MAP2K5: variants seen among roughly 807,000 people sequenced by gnomAD.
The protein encoded by MAP2K5 is dual specificity mitogen-activated protein kinase kinase 5.
Under a neutral mutation model 83.1 loss-of-function variants are expected in MAP2K5, and 49 were observed. The observed-to-expected ratio is 0.59, with a 90% CI of 0.47 to 0.75. The LOEUF (loss-of-function observed/expected upper bound fraction) is 0.75. MAP2K5 is among the 30% of genes least tolerant of loss of function. MAP2K5 has a pLI of 0.00. For missense variants in MAP2K5, 457 were observed against 557.5 expected (o/e 0.82, Z 1.82); for synonymous variants, 202 against 191.8 (o/e 1.05, Z -0.44).
In MAP2K5 at chr15:67,750,162, G is replaced by A. The variant is rs1353620406; in HGVS notation, c.1134+1561G>A. 6.6e-6 allele frequency among the ~76,000 whole-genome samples: 1 copy of A among 152,296 alleles called. No individual in the cohort carries two copies. The highest frequency in any genetic ancestry group is 1.5e-5 in the Non-Finnish European group (1 of 68,018). ...TACCATGGGGAGATGTTCTATTTAA[G>A]GGATGAAGATTGATGAAGAACAATA... On this transcript the variant is annotated intron_variant, in intron 19 of 21. Transcript: ENST00000178640. This position sits in a 1 kb window ranked among gnomAD's most constrained non-coding sequence, Gnocchi z 4.2.
intron 12 of MAP2K5, 169 bp downstream of exon 12, chr15:67,658,783 A>C (rs1596738691): frequency 1.5e-6 from 1 of 651,262 alleles, no homozygotes; most frequent in Non-Finnish European, 2.8e-6. Flanking sequence ...CAGCCCACCC[A>C]ACATCACAAC....
rs1215565046 is a variant in MAP2K5, at chr15:67,690,694, C to T, written c.848-1785C>T. 3.3e-5 allele frequency among the ~76,000 whole-genome samples: 5 copies of T among 151,954 alleles called. No homozygotes were observed. The highest frequency in any genetic ancestry group is 7.4e-5 in the Non-Finnish European group (5 of 67,998). ...GATTACAGGTGTCCGCCACCACGCC[C>T]GGCTAATTTTTGTATTTTTAGTAGA... On this transcript the variant is annotated intron_variant, in intron 13 of 21. Coordinates refer to ENST00000178640, the MANE Select transcript of MAP2K5 (RefSeq NM_145160.3). This position sits in a 1 kb window ranked among gnomAD's most constrained non-coding sequence, Gnocchi z 4.3.
Position 67,774,167 on chromosome 15 carries a change from ATGTGTGTG to A in MAP2K5, c.1242+1444_1242+1451del, listed in dbSNP as rs10529511. ...CCTTGAAAGCAAGTGATGTGTGTGT[ATGTGTGTG>A]TGTGTGTGTGTGTGTGTGTGTGTGT... On this transcript the variant is annotated intron_variant, in intron 21 of 21. Coordinates refer to ENST00000178640, the MANE Select transcript of MAP2K5 (RefSeq NM_145160.3). This position sits in a 1 kb window ranked among gnomAD's most constrained non-coding sequence, Gnocchi z 4.9. Among the ~76,000 whole-genome samples the A allele has an allele frequency of 0.54, 80,277 of 149,534 alleles. 22,165 individuals carry two copies. Among genetic ancestry groups the A allele is most frequent in the Non-Finnish European group, 0.61 (41,420 of 67,434 alleles).
chr15:67,570,537 G>A (rs780609342), intron 3 of MAP2K5, among the ~76,000 whole-genome samples: 1 of 152,220 alleles, frequency 6.6e-6, no homozygotes, highest in Non-Finnish European at 1.5e-5. Flanking sequence ...ATTCAAAATA[G>A]ATTGGCTTCA....
intron 8 of MAP2K5, among the ~76,000 whole-genome samples, chr15:67,612,519 A>C (rs927778547): frequency 1.3e-5 from 2 of 152,164 alleles, no homozygotes. Context: ...AGTCACTCAA[A>C]TTCCTTCTTA....
Position 67,636,233 on chromosome 15 carries a change from C to T in MAP2K5, c.585+5306C>T, listed in dbSNP as rs1159637364. Among the ~76,000 whole-genome samples the T allele has an allele frequency of 6.6e-6, 1 of 152,006 alleles. No individual in the cohort carries two copies. The highest frequency in any genetic ancestry group is 1.5e-5 in the Non-Finnish European group (1 of 67,998). On this transcript the variant is annotated intron_variant, in intron 9 of 21. Transcript: ENST00000178640. The surrounding 1 kb of genome is among the most constrained non-coding windows in gnomAD (Gnocchi z 4.7). ...CGAGACCATCCTAACACGGTGAAACCCCATTTCTACTAAAAATACAAAAAA... is the reference window on the plus strand; with the variant it reads ...CGAGACCATCCTAACACGGTGAAACTCCATTTCTACTAAAAATACAAAAAA...
At chr15:67,753,218 T>C (rs2089761859) in intron 19 of MAP2K5, among the ~76,000 whole-genome samples, 1 of 152,136 alleles carries the variant, frequency 6.6e-6, no homozygotes, top group Admixed American at 6.5e-5. Flanking sequence ...AAGACTTAAA[T>C]GTAAGAGTAA....
chr15:67,593,298 T>G (rs546989894), intron 7 of MAP2K5, among the ~76,000 whole-genome samples: 1 of 152,352 alleles, frequency 6.6e-6, no homozygotes, highest in South Asian at 2.1e-4. Context: ...TCTTTCATTA[T>G]CTTTGGGGAG....
rs982317212 is a variant in MAP2K5, at chr15:67,573,936, A to G, written c.253-6818A>G. On this transcript the variant is annotated intron_variant, in intron 3 of 21. Coordinates refer to ENST00000178640, the MANE Select transcript of MAP2K5 (RefSeq NM_145160.3). The surrounding 1 kb of genome is among the most constrained non-coding windows in gnomAD (Gnocchi z 4.2). The stretch of plus-strand genomic sequence containing the variant: ...TTTTACATATAAACAAACATTGTAC[A>G]TAAGGTAGATGTGTTCCTCCTCTTG... 2.6e-5 allele frequency among the ~76,000 whole-genome samples: 4 copies of G among 152,236 alleles called. No homozygotes were observed. Among genetic ancestry groups the G allele is most frequent in the Admixed American group, 6.5e-5 (1 of 15,292 alleles).
At chr15:67,728,652 A>T (rs2089156513) in intron 17 of MAP2K5, among the ~76,000 whole-genome samples, 2 of 152,202 alleles carry the variant, frequency 1.3e-5, no homozygotes, top group African/African-American at 4.8e-5. Flanking sequence ...GTTGATGTTC[A>T]CTGTTTTTCT....
At chr15:67,745,391 C>T (rs138978290) in intron 17 of MAP2K5, among the ~76,000 whole-genome samples, 227 of 152,322 alleles carry the variant, frequency 1.5e-3, no homozygotes, top group African/African-American at 5.3e-3. Flanking sequence ...CCCTTGGTTC[C>T]ACTTTTAATG....
At chr15:67,800,751 C>T (rs1312815131) in intron 21 of MAP2K5, among the ~76,000 whole-genome samples, 1 of 152,180 alleles carries the variant, frequency 6.6e-6, no homozygotes, top group Admixed American at 6.5e-5. Flanking sequence ...TGTACCTGGG[C>T]TTTGGTGCAC....
chr15:67,776,852 C>G (rs1250774440), intron 21 of MAP2K5, among the ~76,000 whole-genome samples: 1 of 152,172 alleles, frequency 6.6e-6, no homozygotes, highest in Non-Finnish European at 1.5e-5. Context: ...ACTGTGTAAC[C>G]TCAGCCAACT....
rs1187568944 is a variant in MAP2K5 at position 67,768,042 on chromosome 15, C to T, written c.1135-1560C>T. 1.3e-5 allele frequency among the ~76,000 whole-genome samples: 2 copies of T among 152,050 alleles called. No individual in the cohort carries two copies. The highest frequency in any genetic ancestry group is 2.9e-5 in the Non-Finnish European group (2 of 68,006). Reference sequence around the variant, plus strand: ...TTTGTTCATGTTTCTTTTCTTGTAGCCTCTTCGGTGTTTTTTGTTGTCTGT... The same window carrying T: ...TTTGTTCATGTTTCTTTTCTTGTAGTCTCTTCGGTGTTTTTTGTTGTCTGT... On this transcript the variant is annotated intron_variant, in intron 19 of 21. Transcript: ENST00000178640. This position sits in a 1 kb window ranked among gnomAD's most constrained non-coding sequence, Gnocchi z 4.0.
intron 16 of MAP2K5, among the ~76,000 whole-genome samples, chr15:67,711,671 GCA>G (rs72106715): frequency 0.017 from 2,516 of 150,968 alleles, 79 homozygotes; most frequent in African/African-American, 0.058. Context: ...AGGCGTGCAC[GCA>G]CACACACACA....
intron 21 of MAP2K5, among the ~76,000 whole-genome samples, chr15:67,776,756 T>C (rs2090247329): frequency 6.6e-6 from 1 of 152,172 alleles, no homozygotes; most frequent in Admixed American, 6.5e-5. Flanking sequence ...AGGAATTCCT[T>C]CTGAGGAATT....
rs2084337992 is a variant in MAP2K5, at chr15:67,543,568, GCT to G, written c.135+99_135+100del. The G allele has an allele frequency of 1.4e-6, 2 of 1,383,040 alleles. No individual in the cohort carries two copies. The highest frequency in any genetic ancestry group is 2.0e-6 in the Non-Finnish European group (2 of 990,360). 85.7% of individuals were successfully genotyped at this position (1,383,040 alleles called of 1,614,324 possible). Reference sequence around the variant, plus strand: ...CTGGTGACCTGAGCCAGTGGCAATGGCTACTGCTGGCTTCCTGTGGAGGCAGT... The same window carrying G: ...CTGGTGACCTGAGCCAGTGGCAATGGACTGCTGGCTTCCTGTGGAGGCAGT... On this transcript the variant is annotated intron_variant, in intron 1 of 21. Coordinates refer to ENST00000178640, the MANE Select transcript of MAP2K5 (RefSeq NM_145160.3). The surrounding 1 kb of genome is among the most constrained non-coding windows in gnomAD (Gnocchi z 4.3).
Position 67,653,287 on chromosome 15 carries a change from ATTT to A in MAP2K5, c.737-5253_737-5251del, listed in dbSNP as rs34282083. 9.7e-3 allele frequency among the ~76,000 whole-genome samples: 1,349 copies of A among 138,454 alleles called. 12 individuals are homozygous for A. Among genetic ancestry groups the A allele is most frequent in the Middle Eastern group, 0.041 (11 of 268 alleles). 90.8% of individuals were successfully genotyped at this position (138,454 alleles called of 152,430 possible). A position where few individuals can be genotyped will look rare whatever the true frequency, so the allele number is the denominator to read the frequency against. On this transcript the variant is annotated intron_variant, in intron 11 of 21. Coordinates refer to ENST00000178640, the MANE Select transcript of MAP2K5 (RefSeq NM_145160.3). ...GTTTGTCAGTTTCTCTGTTTAAAAT[ATTT>A]TTTTTTTTTTTTGAGACGGAGTTCT...
intron 16 of MAP2K5, 116 bp from the exon 17 acceptor site, chr15:67,727,800 T>C (rs2089133281): frequency 1.3e-6 from 1 of 796,670 alleles, no homozygotes; most frequent in Non-Finnish European, 2.3e-6. Context: ...ACATTCAAGG[T>C]TGTGAACTTT....
Sources: allele counts gnomAD v4.1 joint callset (sites outside exome capture counted in the v4.1 genomes callset), GRCh38; gene constraint gnomAD v4.1.1; non-coding constraint Gnocchi (gnomAD v3.1); transcripts MANE v1.5; gene names NCBI Gene and HGNC (gene_info 2026-07-23, HGNC 2026-07-21).